The following DLGAP1 variants were observed in gnomAD, a reference collection of about 807,000 sequenced individuals.
The protein encoded by DLGAP1 is DLG associated protein 1, also known as disks large-associated protein 1.
In DLGAP1, 11 loss-of-function variants were observed where a neutral mutation model predicts 90.8. The observed-to-expected ratio is 0.12, with a 90% CI of 0.08 to 0.20. The LOEUF (loss-of-function observed/expected upper bound fraction) is 0.20. Among genes scored for constraint, DLGAP1 ranks in the 10% least tolerant of loss-of-function variants. The probability of loss-of-function intolerance (pLI) is 1.00; values close to 1 mark genes in which losing one functional copy is unlikely to be tolerated. For synonymous variants in DLGAP1, 558 were observed against 540.7 expected (o/e 1.03, Z -0.44); for missense variants, 1,050 against 1,333.8 (o/e 0.79, Z 3.31).
chr18:3,902,056 A>G (rs11876098), intron 3 of DLGAP1, among the ~76,000 whole-genome samples: 18,475 of 152,254 alleles, frequency 0.12, 1,715 homozygotes, highest in African/African-American at 0.26. Context: ...CCTAGAGCAC[A>G]GAACCTCAAT....
intron 2 of DLGAP1, among the ~76,000 whole-genome samples, chr18:4,012,313 G>C (rs544291541): frequency 2.6e-5 from 4 of 152,220 alleles, no homozygotes; most frequent in South Asian, 2.1e-4. Context: ...CAAAGTTCAG[G>C]CTCCTCAGAG....
At chr18:3,680,788 C>CAA (rs71160910) in intron 7 of DLGAP1, among the ~76,000 whole-genome samples, 36,659 of 94,276 alleles carry the variant, frequency 0.39, 6,917 homozygotes, top group East Asian at 0.62. Context: ...GACTCCGTCT[C>CAA]AAAAAAAAAA....
At chr18:4,011,139 G>T (rs1056748654) in intron 2 of DLGAP1, among the ~76,000 whole-genome samples, 4 of 139,922 alleles carry the variant, frequency 2.9e-5, no homozygotes, top group South Asian at 2.3e-4. Context: ...TGGCGTCATT[G>T]CACTCTAGCC....
intron 1 of DLGAP1, among the ~76,000 whole-genome samples, chr18:4,323,709 T>A (rs1227338497): frequency 1.3e-5 from 2 of 151,706 alleles, no homozygotes; most frequent in Admixed American, 6.6e-5. Context: ...TAAAAACCAA[T>A]ACTTAAAAAA....
At chr18:3,567,373 T>G in intron 9 of DLGAP1, 117 bp downstream of exon 9, 1 of 832,416 alleles carries the variant, frequency 1.2e-6, no homozygotes. Context: ...ACCCTTTAAA[T>G]ACTCCCAAAA....
chr18:3,593,873 T>TA (rs939992421), intron 7 of DLGAP1: 1 of 152,196 alleles, frequency 6.6e-6, no homozygotes, highest in Non-Finnish European at 1.5e-5. Context: ...GTCACAACTT[T>TA]ATTTTTTTTA....
At chr18:3,870,025 G>T (rs1200897651) in intron 4 of DLGAP1, among the ~76,000 whole-genome samples, 1 of 152,170 alleles carries the variant, frequency 6.6e-6, no homozygotes, top group Admixed American at 6.5e-5. Flanking sequence ...CAGTCAGAGC[G>T]CCTGAATCCC....
At chr18:3,601,780 G>A (rs1383234028) in intron 7 of DLGAP1, among the ~76,000 whole-genome samples, 2 of 148,868 alleles carry the variant, frequency 1.3e-5, no homozygotes, top group African/African-American at 5.0e-5. Flanking sequence ...AGGAAGCGGA[G>A]GTTGCAGCAA....
At chr18:4,225,879 G>A (rs770450135) in intron 1 of DLGAP1, among the ~76,000 whole-genome samples, 4 of 151,926 alleles carry the variant, frequency 2.6e-5, no homozygotes, top group Admixed American at 1.3e-4. Context: ...AGAGGTAGAA[G>A]GTTCAAAGGG....
At chr18:3,552,477 G>T (rs535064907) in intron 9 of DLGAP1, among the ~76,000 whole-genome samples, 1 of 152,154 alleles carries the variant, frequency 6.6e-6, no homozygotes, top group East Asian at 1.9e-4. Context: ...TGGTCTTTGG[G>T]CTCAGAAGGG....
At chr18:3,599,408 C>T (rs966546337) in intron 7 of DLGAP1, among the ~76,000 whole-genome samples, 4 of 152,132 alleles carry the variant, frequency 2.6e-5, no homozygotes, top group Non-Finnish European at 5.9e-5. Flanking sequence ...GTGGCATCAC[C>T]GCACTGTAAA....
At chr18:3,964,320 C>T (rs753099068) in intron 3 of DLGAP1, among the ~76,000 whole-genome samples, 29 of 152,104 alleles carry the variant, frequency 1.9e-4, no homozygotes, top group Non-Finnish European at 3.7e-4. Flanking sequence ...TTCAATGTTT[C>T]CACCTTGGGA....
chr18:4,236,609 T>C (rs2078421508), intron 1 of DLGAP1, among the ~76,000 whole-genome samples: 3 of 152,140 alleles, frequency 2.0e-5, no homozygotes, highest in African/African-American at 4.8e-5. Context: ...GTTTTATAAA[T>C]ATTTTTTTCC....
At chr18:3,805,076 C>T (rs1036580926) in intron 5 of DLGAP1, among the ~76,000 whole-genome samples, 3 of 152,202 alleles carry the variant, frequency 2.0e-5, no homozygotes, top group African/African-American at 7.2e-5. Context: ...TATCCCAATG[C>T]TTAGCACATA....
chr18:3,876,301 A>G (rs1297621631), intron 4 of DLGAP1, among the ~76,000 whole-genome samples: 1 of 152,082 alleles, frequency 6.6e-6, no homozygotes. Context: ...TCTTTACAGC[A>G]TCTCTTCAGC....
rs1176016577 is a variant in DLGAP1 at position 3,551,709 on chromosome 18, TCCC to T, written c.2057+15778_2057+15780del. Among the ~76,000 whole-genome samples the T allele has an allele frequency of 2.9e-4, 8 of 27,318 alleles. 1 individual carries two copies. Among genetic ancestry groups the T allele is most frequent in the African/African-American group, 1.6e-3 (8 of 5,040 alleles). 17.9% of individuals were successfully genotyped at this position (27,318 alleles called of 152,430 possible). On this transcript the variant is annotated intron_variant, in intron 9 of 12. Coordinates refer to ENST00000315677, the MANE Select transcript of DLGAP1 (RefSeq NM_004746.4). ...CTCCCTCCCTCCCTCCCTCCCTCCC[TCCC>T]TCCCTCCCTCCCTTCCTTCCTTCCT...
intron 1 of DLGAP1, among the ~76,000 whole-genome samples, chr18:4,202,550 T>C (rs1477454096): frequency 6.6e-6 from 1 of 152,220 alleles, no homozygotes; most frequent in East Asian, 1.9e-4. Context: ...CTAGTTGAAA[T>C]CAACAGTGAT....
rs139893509 is a variant in DLGAP1, at chr18:3,879,146, G to A, written c.923C>T (p.Ser308Leu). The change falls in exon 4 of 13, where the codon TCG becomes TTG. Residue 308 changes from serine to leucine, a missense_variant. Ser to Leu is a moderately radical substitution (Grantham distance 145). Around this residue, in one of 2 missense-constraint regions of DLGAP1, gnomAD observed 485 missense variants for 454.1 expected, o/e 1.07. Coordinates refer to ENST00000315677, the MANE Select transcript of DLGAP1 (RefSeq NM_004746.4). The surrounding 1 kb of genome is among the most constrained non-coding windows in gnomAD (Gnocchi z 6.6). ...CTGGCAGGAGCGTTCTTGCTGACAC[G>A]ACTCGGACTTCACCATGGCCTGGTC... is the stretch of plus-strand genomic sequence containing the variant. ...NMDQAMVKSE[S>L]CQQERSCQYL... 35 of 1,506,830 alleles carry A rather than the reference G, an allele frequency of 2.3e-5. No individual in the cohort carries two copies. In the East Asian group the frequency reaches 2.8e-4, roughly 12 times the overall value. 93.3% of individuals were successfully genotyped at this position (1,506,830 alleles called of 1,614,324 possible).
intron 1 of DLGAP1, among the ~76,000 whole-genome samples, chr18:4,234,615 G>A (rs745645362): frequency 2.9e-4 from 44 of 152,186 alleles, no homozygotes; most frequent in Middle Eastern, 3.4e-3. Flanking sequence ...CAGGCCTTTT[G>A]TTCTTCAAAT....
Sources: gnomAD v4.1 joint callset for allele counts (sites outside exome capture counted in the v4.1 genomes callset) on GRCh38, gnomAD v4.1.1 for gene constraint, gnomAD v4.1.1 regional missense constraint, Gnocchi (gnomAD v3.1) non-coding constraint, MANE v1.5 for transcripts, NCBI Gene and HGNC (gene_info 2026-07-23, HGNC 2026-07-21) for gene names.